Variants in TMEM132D observed in about 807,000 individuals in gnomAD.
TMEM132D encodes transmembrane protein 132D.
A neutral mutation model predicts 62.3 loss-of-function variants in TMEM132D; 21 were observed. The observed-to-expected ratio is 0.34, with a 90% CI of 0.24 to 0.49. The LOEUF (loss-of-function observed/expected upper bound fraction) is 0.49, where lower values mean the gene tolerates loss of function less well. TMEM132D is among the 20% of genes least tolerant of loss of function. The pLI, the probability that TMEM132D is intolerant of heterozygous loss-of-function variation, is 0.99. For missense variants in TMEM132D, 1,346 were observed against 1,402.8 expected (o/e 0.96, Z 0.65); for synonymous variants, 621 against 575.6 (o/e 1.08, Z -1.13).
intron 1 of TMEM132D, among the ~76,000 whole-genome samples, chr12:129,843,778 C>T (rs1407723995): frequency 6.6e-6 from 1 of 152,144 alleles, no homozygotes; most frequent in Non-Finnish European, 1.5e-5. Context: ...TAACTGACCT[C>T]TCCCTGAACC....
intron 2 of TMEM132D, among the ~76,000 whole-genome samples, chr12:129,597,191 C>T (rs1237217475): frequency 6.6e-6 from 1 of 152,112 alleles, no homozygotes; most frequent in Non-Finnish European, 1.5e-5. Context: ...GATCCACAGA[C>T]ACAGAACCCA....
At chr12:129,366,544 A>G (rs896144077) in intron 3 of TMEM132D, among the ~76,000 whole-genome samples, 1 of 152,190 alleles carries the variant, frequency 6.6e-6, no homozygotes. Flanking sequence ...CAGAACCACG[A>G]GCAAATTAAA....
At chr12:129,214,498 T>A (rs1407244293) in intron 4 of TMEM132D, among the ~76,000 whole-genome samples, 3 of 152,222 alleles carry the variant, frequency 2.0e-5, no homozygotes, top group Admixed American at 2.0e-4. Flanking sequence ...CTGTTCTGCC[T>A]TTCTTTCTGA....
At chr12:129,282,960 G>A (rs11060233) in intron 4 of TMEM132D, among the ~76,000 whole-genome samples, 4,253 of 152,224 alleles carry the variant, frequency 0.028, 186 homozygotes, top group East Asian at 0.2. Flanking sequence ...GTTCCAGAAT[G>A]CATGAGTTTT....
At chr12:129,369,680 T>C (rs1282134391) in intron 3 of TMEM132D, among the ~76,000 whole-genome samples, 1 of 152,232 alleles carries the variant, frequency 6.6e-6, no homozygotes, top group Non-Finnish European at 1.5e-5. Flanking sequence ...AGGGCTAATT[T>C]GCAAAGATTG....
At chr12:129,600,490 G>T (rs186232694) in intron 2 of TMEM132D, among the ~76,000 whole-genome samples, 2 of 152,238 alleles carry the variant, frequency 1.3e-5, no homozygotes, top group East Asian at 3.9e-4. Flanking sequence ...CATCAAGAAT[G>T]GTAAATCCTT....
chr12:129,388,362 A>C (rs1394432714), intron 3 of TMEM132D, among the ~76,000 whole-genome samples: 1 of 93,482 alleles, frequency 1.1e-5, no homozygotes, highest in Non-Finnish European at 2.9e-5. Flanking sequence ...ACCAACACCA[A>C]TCCAGCACTG....
rs142424623 is a variant in TMEM132D, at chr12:129,739,465, T to G, written c.80-38767A>C. Among the ~76,000 whole-genome samples, 798 of 152,290 alleles carry G rather than the reference T, an allele frequency of 5.2e-3. 3 individuals carry two copies. The highest frequency in any genetic ancestry group is 8.6e-3 in the Non-Finnish European group (587 of 68,018). Reference sequence around the variant, plus strand: ...ACAGATGGATGCACGCTGGCCTACCTCAGCTTCTCTTCTGTCTCTCTCTAA... The same window carrying G: ...ACAGATGGATGCACGCTGGCCTACCGCAGCTTCTCTTCTGTCTCTCTCTAA... On this transcript the variant is annotated intron_variant, in intron 1 of 8. Transcript: ENST00000422113.
chr12:129,645,497 C>T (rs981164580), intron 2 of TMEM132D, among the ~76,000 whole-genome samples: 17 of 152,244 alleles, frequency 1.1e-4, no homozygotes, highest in Admixed American at 3.9e-4. Flanking sequence ...TGTCTTATGT[C>T]GGTGATTTTT....
intron 3 of TMEM132D, among the ~76,000 whole-genome samples, chr12:129,474,206 G>A (rs1408999875): frequency 2.6e-5 from 4 of 152,176 alleles, no homozygotes; most frequent in African/African-American, 4.8e-5. Context: ...GGGAACAGGA[G>A]TCTCCAAAAC....
At chr12:129,534,227 A>G (rs970381765) in intron 2 of TMEM132D, among the ~76,000 whole-genome samples, 2 of 151,866 alleles carry the variant, frequency 1.3e-5, no homozygotes, top group Non-Finnish European at 2.9e-5. Context: ...TAAACATAGC[A>G]CTTGATTTTG....
intron 2 of TMEM132D, among the ~76,000 whole-genome samples, chr12:129,543,894 G>A (rs977696052): frequency 1.3e-5 from 2 of 152,116 alleles, no homozygotes; most frequent in Non-Finnish European, 2.9e-5. Context: ...GTGCCCCCTC[G>A]ATGGACACAG....
At chr12:129,515,596 T>A (rs1328370584) in intron 3 of TMEM132D, among the ~76,000 whole-genome samples, 2 of 152,058 alleles carry the variant, frequency 1.3e-5, no homozygotes, top group African/African-American at 4.8e-5. Context: ...CCTCCCATTC[T>A]CCCCTGAGCC....
chr12:129,701,361 A>C (rs1881381813), intron 1 of TMEM132D, among the ~76,000 whole-genome samples: 1 of 152,156 alleles, frequency 6.6e-6, no homozygotes, highest in African/African-American at 2.4e-5. Flanking sequence ...AATACCTTGG[A>C]AGGATATATT....
At chr12:129,271,913 T>A (rs1880862780) in intron 4 of TMEM132D, among the ~76,000 whole-genome samples, 1 of 151,922 alleles carries the variant, frequency 6.6e-6, no homozygotes, top group African/African-American at 2.4e-5. Flanking sequence ...TATAATCCTT[T>A]GGGTATATAC....
At chr12:129,190,488 G>A (rs1878361468) in intron 5 of TMEM132D, among the ~76,000 whole-genome samples, 1 of 45,250 alleles carries the variant, frequency 2.2e-5, no homozygotes, top group East Asian at 1.5e-3. Context: ...TCTCAGGCCT[G>A]CAGATGGAGG....
intron 5 of TMEM132D, among the ~76,000 whole-genome samples, chr12:129,133,486 G>T (rs767937703): frequency 7.9e-5 from 12 of 152,226 alleles, no homozygotes; most frequent in African/African-American, 1.2e-4. Flanking sequence ...CCTGCTTCTT[G>T]ATCTGAAGCC....
chr12:129,842,097 A>ATTGTTTT (rs1566005017), intron 1 of TMEM132D, among the ~76,000 whole-genome samples: 11 of 97,446 alleles, frequency 1.1e-4, no homozygotes, highest in East Asian at 2.8e-4. Flanking sequence ...CGCCCGGCTA[A>ATTGTTTT]TTTTTTTTTT....
intron 3 of TMEM132D, among the ~76,000 whole-genome samples, chr12:129,517,712 C>A (rs1352226529): frequency 1.3e-5 from 2 of 152,168 alleles, no homozygotes; most frequent in African/African-American, 4.8e-5. Flanking sequence ...GTAAATCCTG[C>A]CTGAGGTTTC....
Sources: gnomAD v4.1 joint callset for allele counts (sites outside exome capture counted in the v4.1 genomes callset) on GRCh38, gnomAD v4.1.1 for gene constraint, MANE v1.5 for transcripts, NCBI Gene and HGNC (gene_info 2026-07-23, HGNC 2026-07-21) for gene names.